The following UPF2 variants were observed in gnomAD, a reference collection of about 807,000 sequenced individuals.
UPF2 encodes regulator of nonsense transcripts 2.
UPF2 carries 17 observed loss-of-function variants against 141.4 expected under a neutral mutation model. That is an observed-to-expected ratio of 0.12 (90% CI 0.08 to 0.18). The LOEUF is 0.18. Ranked by LOEUF, UPF2 falls within the 10% of genes least tolerant of loss-of-function variation. The probability of loss-of-function intolerance (pLI) is 1.00; values close to 1 mark genes in which losing one functional copy is unlikely to be tolerated. For missense variants in UPF2, 1,152 were observed against 1,515.9 expected, an observed-to-expected ratio of 0.76 and a Z score of 3.99; for synonymous variants, 540 against 498.0, an observed-to-expected ratio of 1.08 and a Z score of -1.12.
intron 5 of UPF2, among the ~76,000 whole-genome samples, chr10:12,003,881 CA>C (rs1833991558): frequency 7.9e-6 from 1 of 127,252 alleles, no homozygotes; most frequent in Non-Finnish European, 1.6e-5. Flanking sequence ...GCTGAGACCA[CA>C]TGACTGCACT....
At chr10:12,038,903 T>G (rs941523870) in intron 1 of UPF2, among the ~76,000 whole-genome samples, 1 of 152,074 alleles carries the variant, frequency 6.6e-6, no homozygotes, top group African/African-American at 2.4e-5. Context: ...GCTCAAGGGA[T>G]CCATCCTCCC....
rs898379860 is a variant in UPF2 at position 11,956,863 on chromosome 10, C to T, written c.2371-340G>A. Among the ~76,000 whole-genome samples the T allele has an allele frequency of 1.3e-5, 2 of 152,132 alleles. No homozygotes were observed. Among genetic ancestry groups the T allele is most frequent in the Non-Finnish European group, 2.9e-5 (2 of 68,024 alleles). On this transcript the variant is annotated intron_variant, in intron 12 of 21. Coordinates refer to ENST00000357604, the MANE Select transcript of UPF2 (RefSeq NM_015542.4). This position sits in a 1 kb window ranked among gnomAD's most constrained non-coding sequence, Gnocchi z 4.2. ...CCAGACACAGTCTCACTCTGTCACC[C>T]AGGCTGGAGTGCAGTAGCGCAATCT...
rs146499448 is a variant in UPF2, at chr10:12,032,488, A to G, written c.365+2571T>C. ...AGATGGGGGACTAGTTCACTATACT[A>G]TTCTATTTTTGCATATATCTGAAAT... On this transcript the variant is annotated intron_variant, in intron 2 of 21. Transcript: ENST00000357604. Among the ~76,000 whole-genome samples, 1,433 of 152,116 alleles carry G rather than the reference A, an allele frequency of 9.4e-3. 27 individuals are homozygous for G. Among genetic ancestry groups the G allele is most frequent in the African/African-American group, 0.033 (1,354 of 41,488 alleles).
intron 7 of UPF2, among the ~76,000 whole-genome samples, chr10:11,999,517 A>AAC (rs1554781267): frequency 6.7e-6 from 1 of 150,326 alleles, no homozygotes; most frequent in African/African-American, 2.4e-5. Flanking sequence ...CATCTCAAAA[A>AAC]AAAAAAAAAA....
chr10:11,963,159 A>C (rs2089301), intron 11 of UPF2, among the ~76,000 whole-genome samples: 9,110 of 152,220 alleles, frequency 0.06, 370 homozygotes, highest in Non-Finnish European at 0.092. Context: ...GTCTGGTTTA[A>C]GTACCTCCTC....
chr10:11,947,897 A>C (rs545672845), intron 16 of UPF2, among the ~76,000 whole-genome samples: 1 of 151,986 alleles, frequency 6.6e-6, no homozygotes, highest in African/African-American at 2.4e-5. Flanking sequence ...AAAAACTTTT[A>C]ATTAAACAAG....
At chr10:11,952,575 C>T (rs1036475702) in intron 14 of UPF2, among the ~76,000 whole-genome samples, 1 of 149,174 alleles carries the variant, frequency 6.7e-6, no homozygotes, top group Non-Finnish European at 1.5e-5. Context: ...CCCAGGTTCA[C>T]GCCATTCTCC....
At chr10:11,978,470 CAT>C (rs1337037538) in intron 9 of UPF2, among the ~76,000 whole-genome samples, 2 of 152,156 alleles carry the variant, frequency 1.3e-5, no homozygotes, top group South Asian at 2.1e-4. Context: ...ACCACTAACA[CAT>C]AGTTTGTTCA....
In UPF2 at chr10:12,019,731, G is replaced by GTT. The variant is rs1834285003; in HGVS notation, c.1146-5549_1146-5548dup. On this transcript the variant is annotated intron_variant, in intron 3 of 21. Transcript: ENST00000357604. This position sits in a 1 kb window ranked among gnomAD's most constrained non-coding sequence, Gnocchi z 4.5. ...TTGATTTTATGGAGTGTTTTTTTTTGTTTTGTTTTTGAGATGGATTCTCGC... is the reference window on the plus strand; with the variant it reads ...TTGATTTTATGGAGTGTTTTTTTTTGTTTTTTGTTTTTGAGATGGATTCTCGC... Among the ~76,000 whole-genome samples the GTT allele has an allele frequency of 6.6e-6, 1 of 150,864 alleles. No individual in the cohort carries two copies. Among genetic ancestry groups the GTT allele is most frequent in the Non-Finnish European group, 1.5e-5 (1 of 67,668 alleles).
chr10:12,026,681 G>T lies in UPF2; in HGVS notation c.1145+2064C>A, dbSNP rs1284782971. On this transcript the variant is annotated intron_variant, in intron 3 of 21. Transcript: ENST00000357604. The stretch of plus-strand genomic sequence containing the variant: ...TTTTTTTTTTTTAGGACGAAGTCTC[G>T]CTCTTGTCCTCCAGGCTGGAGTGCA... 5 of 421,764 alleles carry T rather than the reference G, an allele frequency of 1.2e-5. No homozygotes were observed. The Admixed American group carries it at 1.4e-4, about 12-fold the overall frequency. 26.1% of individuals were successfully genotyped at this position (421,764 alleles called of 1,614,324 possible).
intron 11 of UPF2, among the ~76,000 whole-genome samples, chr10:11,963,498 G>A (rs966448662): frequency 1.3e-5 from 2 of 152,172 alleles, no homozygotes; most frequent in African/African-American, 4.8e-5. Context: ...CACCACGCCT[G>A]GCTAGTTCTA....
At chr10:11,967,278 C>G (rs1833336330) in intron 10 of UPF2, 63 bp downstream of exon 10, 1 of 931,228 alleles carries the variant, frequency 1.1e-6, no homozygotes, top group Non-Finnish European at 1.5e-6. Flanking sequence ...TCACTTTATC[C>G]ACCATTTATA....
intron 3 of UPF2, among the ~76,000 whole-genome samples, chr10:12,023,253 T>G (rs1834349003): frequency 6.6e-6 from 1 of 152,126 alleles, no homozygotes; most frequent in African/African-American, 2.4e-5. Flanking sequence ...CTTAACATTA[T>G]AAAAGGCAAA....
At chr10:11,930,507 C>T (rs1289928663) in intron 20 of UPF2, among the ~76,000 whole-genome samples, 1 of 152,170 alleles carries the variant, frequency 6.6e-6, no homozygotes, top group African/African-American at 2.4e-5. Context: ...CCGGGTGTGG[C>T]GGCTCATGTC....
rs184778772 is a variant in UPF2 at position 11,973,240 on chromosome 10, T to C, written c.1954-5786A>G. 2.4e-3 allele frequency among the ~76,000 whole-genome samples: 360 copies of C among 152,368 alleles called. 1 individual carries two copies. The highest frequency in any genetic ancestry group is 8.4e-3 in the African/African-American group (350 of 41,578). On this transcript the variant is annotated intron_variant, in intron 9 of 21. Coordinates refer to ENST00000357604, the MANE Select transcript of UPF2 (RefSeq NM_015542.4). ...ACTTTTTGACGGGGCTGTTTAATTTTTTCTTGTAAATTTGTTTAAGTTCTT... is the reference window on the plus strand; with the variant it reads ...ACTTTTTGACGGGGCTGTTTAATTTCTTCTTGTAAATTTGTTTAAGTTCTT...
At chr10:11,985,959 A>T (rs964393073) in intron 8 of UPF2, among the ~76,000 whole-genome samples, 1 of 135,976 alleles carries the variant, frequency 7.4e-6, no homozygotes, top group African/African-American at 2.8e-5. Flanking sequence ...ATCCCCACTC[A>T]CTGTAAGCTC....
At chr10:12,030,439 CAGG>C (rs1448832528) in intron 2 of UPF2, among the ~76,000 whole-genome samples, 6 of 151,934 alleles carry the variant, frequency 3.9e-5, no homozygotes, top group African/African-American at 4.8e-5. Flanking sequence ...GAGGCTGAGG[CAGG>C]AGAATTGCTT....
intron 8 of UPF2, among the ~76,000 whole-genome samples, chr10:11,993,526 C>CA (rs140723817): frequency 0.021 from 2,892 of 140,966 alleles, 131 homozygotes; most frequent in East Asian, 0.2. Context: ...TCAAAAATTC[C>CA]AAAAAAAAAA....
At chr10:12,029,835 A>G (rs1834484755) in intron 2 of UPF2, among the ~76,000 whole-genome samples, 1 of 151,884 alleles carries the variant, frequency 6.6e-6, no homozygotes, top group Admixed American at 6.6e-5. Flanking sequence ...GATGGCGCTC[A>G]CCTGTAGTCC....
Sources: gnomAD v4.1 joint callset for allele counts (sites outside exome capture counted in the v4.1 genomes callset) on GRCh38, gnomAD v4.1.1 for gene constraint, Gnocchi (gnomAD v3.1) non-coding constraint, MANE v1.5 for transcripts, NCBI Gene and HGNC (gene_info 2026-07-23, HGNC 2026-07-21) for gene names.